The following KIAA2012 variants were observed in gnomAD, a reference collection of about 807,000 sequenced individuals.
KIAA2012 encodes the protein KIAA2012, also known as uncharacterized protein KIAA2012.
Under a neutral mutation model 150.6 loss-of-function variants are expected in KIAA2012, and 125 were observed. That is an observed-to-expected ratio of 0.83 (90% confidence interval 0.72 to 0.96). The LOEUF (loss-of-function observed/expected upper bound fraction) is 0.96, where lower values mean the gene tolerates loss of function less well. KIAA2012 is among the 40% of genes least tolerant of loss of function. The probability of loss-of-function intolerance (pLI) is 0.00; values close to 1 mark genes in which losing one functional copy is unlikely to be tolerated. For synonymous variants in KIAA2012, 462 were observed against 504.7 expected (o/e 0.92, Z 1.13); for missense variants, 1,219 against 1,354.9 (o/e 0.90, Z 1.57).
intron 15 of KIAA2012, among the ~76,000 whole-genome samples, chr2:202,172,583 C>T (rs1559228113): frequency 6.6e-6 from 1 of 152,314 alleles, no homozygotes; most frequent in East Asian, 1.9e-4. Context: ...TAGTGGTTAT[C>T]TAGTTCAGTT....
At chr2:202,118,290 G>A (rs1690575285) in intron 11 of KIAA2012, among the ~76,000 whole-genome samples, 1 of 152,006 alleles carries the variant, frequency 6.6e-6, no homozygotes, top group South Asian at 2.1e-4. Context: ...AGTGATCTCT[G>A]GTCAAATGTT....
At chr2:202,152,218 A>G (rs900518768) in intron 13 of KIAA2012, among the ~76,000 whole-genome samples, 1 of 152,224 alleles carries the variant, frequency 6.6e-6, no homozygotes, top group Non-Finnish European at 1.5e-5. Context: ...GTAATGAGCA[A>G]AAACAGTACT....
In KIAA2012 at chr2:202,104,006, C is replaced by T. The variant is rs1690117719; in HGVS notation, c.1324+892C>T. ...AAATTTCAGCAGAGACTGCCACTGG[C>T]TTCTTGGAGAGTTTGACTCCTGGGA... is the stretch of plus-strand genomic sequence containing the variant. On this transcript the variant is annotated intron_variant, in intron 8 of 23. Coordinates refer to ENST00000498697, the MANE Select transcript of KIAA2012 (RefSeq NM_001277372.4). This position sits in a 1 kb window ranked among gnomAD's most constrained non-coding sequence, Gnocchi z 4.3. 6.6e-6 allele frequency among the ~76,000 whole-genome samples: 1 copy of T among 152,192 alleles called. No individual in the cohort carries two copies. Among genetic ancestry groups the T allele is most frequent in the Non-Finnish European group, 1.5e-5 (1 of 68,038 alleles).
At chr2:202,197,140 T>C in intron 22 of KIAA2012, 121 bp downstream of exon 22, 2 of 1,441,576 alleles carry the variant, frequency 1.4e-6, no homozygotes, top group Non-Finnish European at 1.9e-6. Flanking sequence ...CCAGCATGGC[T>C]TGGAAGACTG....
At chr2:202,179,920 TG>T in intron 15 of KIAA2012, 1 of 775,926 alleles carries the variant, frequency 1.3e-6, no homozygotes, top group Non-Finnish European at 2.1e-6. Context: ...ACATAGAAGT[TG>T]GAATCTTCAA....
intron 11 of KIAA2012, chr2:202,116,695 C>T (rs1430979357): frequency 1.3e-5 from 2 of 152,058 alleles, no homozygotes; most frequent in African/African-American, 4.8e-5. Flanking sequence ...TAAAATACAT[C>T]CACAAATTCT....
At chr2:202,122,074 G>A (rs1238753975) in intron 11 of KIAA2012, among the ~76,000 whole-genome samples, 2 of 152,242 alleles carry the variant, frequency 1.3e-5, no homozygotes, top group African/African-American at 4.8e-5. Flanking sequence ...TGAGTGGACT[G>A]TGGAGGGGCT....
chr2:202,075,552 C>T (rs1273456156), intron 2 of KIAA2012, among the ~76,000 whole-genome samples: 1 of 152,214 alleles, frequency 6.6e-6, no homozygotes, highest in African/African-American at 2.4e-5. Flanking sequence ...CATCCCACCT[C>T]TGATGTTCTT....
chr2:202,102,692 C>G (rs911344524), intron 7 of KIAA2012, among the ~76,000 whole-genome samples: 1 of 152,178 alleles, frequency 6.6e-6, no homozygotes, highest in Non-Finnish European at 1.5e-5. Flanking sequence ...ACTTTATATC[C>G]TCTCAAAGGC....
intron 2 of KIAA2012, among the ~76,000 whole-genome samples, chr2:202,081,643 G>A (rs1281773472): frequency 6.6e-6 from 1 of 150,582 alleles, no homozygotes; most frequent in Admixed American, 6.6e-5. Flanking sequence ...TGCCTCCCAG[G>A]TTCAAGTGAT....
chr2:202,089,544 C>T (rs1167111770), intron 2 of KIAA2012, among the ~76,000 whole-genome samples: 1 of 152,234 alleles, frequency 6.6e-6, no homozygotes, highest in Non-Finnish European at 1.5e-5. Flanking sequence ...CACACAGTTG[C>T]TCTCTATCCT....
In KIAA2012 at chr2:202,109,633, G is replaced by C; in HGVS notation, c.1495G>C (p.Asp499His). ...SPQDDDAPPH[D>H]VAPPLDLLPP... ...TAAAGATGATGATGCCCCACCTCACGATGTGGCCCCACCATTGGATCTTCT... is the reference window on the plus strand; with the variant it reads ...TAAAGATGATGATGCCCCACCTCACCATGTGGCCCCACCATTGGATCTTCT... The change falls in exon 10 of 24, where the codon GAT becomes CAT. Residue 499 changes from aspartate to histidine, a missense_variant. By Grantham distance (81) the Asp-to-His change is moderately conservative. Transcript: ENST00000498697. 1.3e-6 allele frequency: 2 copies of C among 1,538,364 alleles called. No homozygotes were observed. Among genetic ancestry groups the C allele is most frequent in the East Asian group, 2.5e-5 (1 of 40,792 alleles).
chr2:202,104,419 G>A lies in KIAA2012; in HGVS notation c.1324+1305G>A, dbSNP rs574313436. The stretch of plus-strand genomic sequence containing the variant: ...AGTTTGTTACTCACAGTTCCAAGAG[G>A]AGGAGGCACACCACACCATGCAGGG... On this transcript the variant is annotated intron_variant, in intron 8 of 23. Coordinates refer to ENST00000498697, the MANE Select transcript of KIAA2012 (RefSeq NM_001277372.4). This position sits in a 1 kb window ranked among gnomAD's most constrained non-coding sequence, Gnocchi z 4.3. Among the ~76,000 whole-genome samples, 10 of 152,324 alleles carry A rather than the reference G, an allele frequency of 6.6e-5. No homozygotes were observed. The South Asian group carries it at 2.1e-3, about 32-fold the overall frequency.
intron 15 of KIAA2012, among the ~76,000 whole-genome samples, chr2:202,175,148 CTTGTT>C (rs1192784406): frequency 1.3e-5 from 2 of 151,766 alleles, no homozygotes; most frequent in Non-Finnish European, 2.9e-5. Flanking sequence ...GGTCACTTGT[CTTGTT>C]GAGTTTCAAT....
At chr2:202,103,184 T>G in intron 8 of KIAA2012, 70 bp downstream of exon 8, 1 of 1,433,568 alleles carries the variant, frequency 7.0e-7, no homozygotes, top group African/African-American at 1.4e-5. Flanking sequence ...TTCTACATGC[T>G]CCTACATCAT....
chr2:202,199,488 C>G (rs1440550012), intron 22 of KIAA2012, among the ~76,000 whole-genome samples: 5 of 152,102 alleles, frequency 3.3e-5, no homozygotes, highest in East Asian at 1.9e-4. Context: ...TCAAAATAGT[C>G]TTTATTCTAC....
intron 14 of KIAA2012, 58 bp downstream of exon 14, chr2:202,154,868 T>A (rs1031966715): frequency 3.3e-5 from 50 of 1,503,956 alleles, no homozygotes; most frequent in Non-Finnish European, 4.4e-5. Context: ...GAATTCCAGT[T>A]AATACACTTC....
chr2:202,092,851 T>C (rs534700582), intron 3 of KIAA2012, among the ~76,000 whole-genome samples, 179 bp from the exon 4 acceptor site: 2 of 152,280 alleles, frequency 1.3e-5, no homozygotes, highest in East Asian at 1.9e-4. Context: ...AGACACTAGA[T>C]AGACAAGGCC....
intron 21 of KIAA2012, among the ~76,000 whole-genome samples, chr2:202,194,590 C>T (rs1692381059): frequency 2.3e-5 from 1 of 43,354 alleles, no homozygotes; most frequent in African/African-American, 9.6e-5. Context: ...TCCCTTTGCC[C>T]TTTCGGCATT....
Sources: allele counts gnomAD v4.1 joint callset (sites outside exome capture counted in the v4.1 genomes callset), GRCh38; gene constraint gnomAD v4.1.1; non-coding constraint Gnocchi (gnomAD v3.1); transcripts MANE v1.5; gene names NCBI Gene and HGNC (gene_info 2026-07-23, HGNC 2026-07-21).